Variants in SEC24D observed in about 807,000 individuals in gnomAD.
SEC24D encodes protein transport protein Sec24D.
A neutral mutation model predicts 116.9 loss-of-function variants in SEC24D; 69 were observed. The ratio of observed to expected loss-of-function variants is 0.59; its 90% CI spans 0.49 to 0.72. The LOEUF (loss-of-function observed/expected upper bound fraction) is 0.72. Ranked by LOEUF, SEC24D falls within the 30% of genes least tolerant of loss-of-function variation. SEC24D has a pLI of 0.00. For synonymous variants in SEC24D, 405 were observed against 442.8 expected (o/e 0.91, Z 1.07); for missense variants, 1,131 against 1,264.1 (o/e 0.89, Z 1.60).
chr4:118,813,948 G>A (rs952375069), intron 6 of SEC24D, among the ~76,000 whole-genome samples: 3 of 152,228 alleles, frequency 2.0e-5, no homozygotes, highest in Admixed American at 2.0e-4. Flanking sequence ...TAGAAAAACC[G>A]GGAACCCACT....
intron 21 of SEC24D, 36 bp downstream of exon 21, chr4:118,731,280 T>G (rs769689511): frequency 6.5e-7 from 1 of 1,542,940 alleles, no homozygotes; most frequent in Admixed American, 1.7e-5. Flanking sequence ...TTTATATTTT[T>G]CATATTACCA....
chr4:118,752,628 T>A (rs1726896784), intron 12 of SEC24D, 69 bp downstream of exon 12: 4 of 1,085,994 alleles, frequency 3.7e-6, no homozygotes, highest in Non-Finnish European at 5.3e-6. Context: ...TATGATTGAA[T>A]CAAAACACAG....
Position 118,764,832 on chromosome 4 carries a change from A to G in SEC24D, c.1266T>C (p.Tyr422=), listed in dbSNP as rs1727563198. 1.9e-6 allele frequency: 3 copies of G among 1,606,350 alleles called. No individual in the cohort carries two copies. Among genetic ancestry groups the G allele is most frequent in the Non-Finnish European group, 2.6e-6 (3 of 1,173,250 alleles). The change falls in exon 10 of 23, where the codon TAT becomes TAC. Residue 422 remains tyrosine, a synonymous_variant. Transcript: ENST00000280551. Reference sequence around the variant, plus strand: ...AATAATCCAAAGTGGCAACATATTCATAAGATCCTAGAGATAACTCTGGTT... The same window carrying G: ...AATAATCCAAAGTGGCAACATATTCGTAAGATCCTAGAGATAACTCTGGTT... ...YEKPELSLGS[Y]EYVATLDYCR...
Position 118,739,082 on chromosome 4 carries a change from C to G in SEC24D, c.2377+67G>C, listed in dbSNP as rs142090423. On this transcript the variant is annotated intron_variant, in intron 18 of 22. Coordinates refer to ENST00000280551, the MANE Select transcript of SEC24D (RefSeq NM_014822.4). ...GTTGCAAAACTACAGTGCTTTTTAG[C>G]TACTGACAAATCTTGACTGAATTAC... The G allele has an allele frequency of 7.3e-5, 111 of 1,529,164 alleles. No homozygotes were observed. The African/African-American group carries it at 1.2e-3, about 17-fold the overall frequency. The allele number at this position is 1,529,164 out of a possible 1,614,324, so 94.7% of individuals were successfully genotyped here.
intron 6 of SEC24D, among the ~76,000 whole-genome samples, chr4:118,807,993 G>C (rs1355129375): frequency 6.6e-6 from 1 of 151,950 alleles, no homozygotes; most frequent in Non-Finnish European, 1.5e-5. Flanking sequence ...ACAGGGTCTT[G>C]CTCTGATGCC....
chr4:118,821,548 G>C (rs1730404017), intron 3 of SEC24D, among the ~76,000 whole-genome samples: 1 of 152,060 alleles, frequency 6.6e-6, no homozygotes, highest in Non-Finnish European at 1.5e-5. Context: ...TTAAAAAGCA[G>C]TATTTTAAAG....
chr4:118,775,306 C>T (rs1169880473), intron 8 of SEC24D, among the ~76,000 whole-genome samples: 10 of 144,442 alleles, frequency 6.9e-5, no homozygotes, highest in Non-Finnish European at 5.9e-5. Flanking sequence ...CACAAATATA[C>T]GCTCAGGATA....
chr4:118,794,273 T>C (rs997127468), intron 8 of SEC24D, among the ~76,000 whole-genome samples: 6 of 152,204 alleles, frequency 3.9e-5, no homozygotes, highest in African/African-American at 1.4e-4. Context: ...TAATAATTAA[T>C]ACTAAATGAT....
At chr4:118,804,300 TA>T (rs1236650165) in intron 7 of SEC24D, among the ~76,000 whole-genome samples, 1 of 152,142 alleles carries the variant, frequency 6.6e-6, no homozygotes. Context: ...GGTGAATTTC[TA>T]AGGATACAAC....
chr4:118,738,067 TCAC>T, intron 19 of SEC24D, 191 bp downstream of exon 19: 1 of 499,260 alleles, frequency 2.0e-6, no homozygotes, highest in Non-Finnish European at 3.6e-6. Flanking sequence ...TTTTTTTTGT[TCAC>T]ATTTTTAAAT....
chr4:118,780,906 G>GATTTTTTTTTTTTTTTTTTTTTTTT (rs1728368824), intron 8 of SEC24D, among the ~76,000 whole-genome samples: 1 of 106,080 alleles, frequency 9.4e-6, no homozygotes. Flanking sequence ...TGCAACCCCT[G>GATTTTTTTTTTTTTTTTTTTTTTTT]CTTTTTTTTT....
At chr4:118,792,389 G>T (rs1235350633) in intron 8 of SEC24D, among the ~76,000 whole-genome samples, 1 of 152,340 alleles carries the variant, frequency 6.6e-6, no homozygotes, top group East Asian at 1.9e-4. Flanking sequence ...CTTCTGGGAG[G>T]TGTACCCAAT....
chr4:118,820,646 G>A (rs1292553622), intron 3 of SEC24D, among the ~76,000 whole-genome samples: 1 of 142,372 alleles, frequency 7.0e-6, no homozygotes, highest in Non-Finnish European at 1.6e-5. Context: ...AAGAGCATGT[G>A]AAATGGAGTG....
chr4:118,757,913 T>C, intron 10 of SEC24D, 68 bp from the exon 11 acceptor site: 4 of 1,288,236 alleles, frequency 3.1e-6, no homozygotes, highest in Non-Finnish European at 4.3e-6. Context: ...CAATACTCAT[T>C]AGAAACTCTT....
chr4:118,827,373 A>C (rs1730631742), intron 2 of SEC24D, among the ~76,000 whole-genome samples: 1 of 152,142 alleles, frequency 6.6e-6, no homozygotes, highest in Non-Finnish European at 1.5e-5. Flanking sequence ...TCCTTTATAG[A>C]GCAATATGAG....
intron 20 of SEC24D, 22 bp downstream of exon 20, chr4:118,732,711 T>G (rs761993170): frequency 1.2e-6 from 2 of 1,607,834 alleles, no homozygotes; most frequent in East Asian, 2.2e-5. Flanking sequence ...CTCTGGGAAA[T>G]GCACCACCCC....
rs565608635 is a variant in SEC24D at position 118,753,791 on chromosome 4, T to G, written c.1422-903A>C. 4.6e-5 allele frequency among the ~76,000 whole-genome samples: 7 copies of G among 152,258 alleles called. No individual in the cohort carries two copies. In the South Asian group the frequency reaches 6.2e-4, roughly 14 times the overall value. Reference sequence around the variant, plus strand: ...TCTTACCAATTTTCAATGGAGAATATTACATAGTGCTCAATGGTTAAAGAA... The same window carrying G: ...TCTTACCAATTTTCAATGGAGAATAGTACATAGTGCTCAATGGTTAAAGAA... On this transcript the variant is annotated intron_variant, in intron 11 of 22. Transcript: ENST00000280551.
intron 22 of SEC24D, among the ~76,000 whole-genome samples, chr4:118,727,856 C>T (rs899931341): frequency 3.9e-5 from 6 of 152,160 alleles, no homozygotes; most frequent in Non-Finnish European, 7.4e-5. Context: ...TTCACAGTTA[C>T]GAATGTTGGT....
intron 13 of SEC24D, 48 bp from the exon 14 acceptor site, chr4:118,745,108 G>T: frequency 9.9e-7 from 1 of 1,007,470 alleles, no homozygotes. Context: ...GCCGTGAGTA[G>T]GAACATTTTA....
Sources: gnomAD v4.1 joint callset for allele counts (sites outside exome capture counted in the v4.1 genomes callset) on GRCh38, gnomAD v4.1.1 for gene constraint, MANE v1.5 for transcripts, NCBI Gene and HGNC (gene_info 2026-07-23, HGNC 2026-07-21) for gene names.